Variants in GPC6 observed in about 807,000 individuals in gnomAD.
The protein encoded by GPC6 is glypican 6.
A neutral mutation model predicts 55.2 loss-of-function variants in GPC6; 14 were observed. The ratio of observed to expected loss-of-function variants is 0.25; its 90% CI spans 0.17 to 0.40. The LOEUF is 0.40. Among genes scored for constraint, GPC6 ranks in the 10% least tolerant of loss-of-function variants. GPC6 has a pLI of 1.00. For synonymous variants in GPC6, 278 were observed against 259.6 expected (o/e 1.07, Z -0.68); for missense variants, 641 against 708.5 (o/e 0.90, Z 1.08).
intron 2 of GPC6, among the ~76,000 whole-genome samples, chr13:93,746,360 G>T (rs1017842538): frequency 6.6e-6 from 1 of 152,148 alleles, no homozygotes; most frequent in Non-Finnish European, 1.5e-5. Context: ...TTATGTCGGA[G>T]CATACATACA....
At chr13:93,377,256 C>A (rs567472368) in intron 1 of GPC6, among the ~76,000 whole-genome samples, 27 of 152,218 alleles carry the variant, frequency 1.8e-4, no homozygotes, top group Admixed American at 1.0e-3. Flanking sequence ...GTCCTAAGAC[C>A]ACATCCGTAT....
chr13:93,616,704 C>T (rs1278834766), intron 2 of GPC6, among the ~76,000 whole-genome samples: 3 of 151,974 alleles, frequency 2.0e-5, no homozygotes, highest in Non-Finnish European at 4.4e-5. Context: ...GCAAGTGTTG[C>T]CTTAAAATAA....
chr13:94,027,292 T>A (rs559608408), intron 3 of GPC6, among the ~76,000 whole-genome samples: 95 of 152,302 alleles, frequency 6.2e-4, no homozygotes, highest in African/African-American at 2.3e-3. Context: ...CAAGTTGATA[T>A]TGATCTTTGA....
In GPC6 at chr13:93,231,347, A is replaced by G. The variant is rs866401660; in HGVS notation, c.160+3731A>G. Among the ~76,000 whole-genome samples, 191 of 29,536 alleles carry G rather than the reference A, an allele frequency of 6.5e-3. 3 individuals carry two copies. The highest frequency in any genetic ancestry group is 0.034 in the East Asian group (30 of 880). 19.4% of individuals were successfully genotyped at this position (29,536 alleles called of 152,430 possible). ...TATATATACGTATATATATATATACATATATATATATACGTATATATATAT... is the reference window on the plus strand; with the variant it reads ...TATATATACGTATATATATATATACGTATATATATATACGTATATATATAT... On this transcript the variant is annotated intron_variant, in intron 1 of 8. Transcript: ENST00000377047.
chr13:93,685,665 A>C (rs1882022953), intron 2 of GPC6, among the ~76,000 whole-genome samples: 1 of 152,114 alleles, frequency 6.6e-6, no homozygotes, highest in African/African-American at 2.4e-5. Flanking sequence ...GGTGCTGATG[A>C]GCCTGGAGTC....
intron 6 of GPC6, among the ~76,000 whole-genome samples, chr13:94,339,840 C>G (rs548557763): frequency 7.1e-6 from 1 of 140,310 alleles, no homozygotes; most frequent in South Asian, 2.3e-4. Context: ...CTGGGCTTGC[C>G]TCAACCTCCA....
chr13:93,869,775 A>G (rs1889072729), intron 3 of GPC6, among the ~76,000 whole-genome samples: 1 of 151,858 alleles, frequency 6.6e-6, no homozygotes. Context: ...CTAGGGCTGC[A>G]TTCTCTCTAA....
chr13:93,494,822 T>A (rs1880190822), intron 1 of GPC6, among the ~76,000 whole-genome samples: 1 of 149,172 alleles, frequency 6.7e-6, no homozygotes, highest in South Asian at 2.2e-4. Flanking sequence ...GGTTGAAAAT[T>A]CTTTTCTTTA....
intron 1 of GPC6, among the ~76,000 whole-genome samples, chr13:93,516,240 C>G (rs1436306920): frequency 6.6e-6 from 1 of 152,170 alleles, no homozygotes; most frequent in Non-Finnish European, 1.5e-5. Flanking sequence ...TATCAACTCT[C>G]TCCAGATGTG....
chr13:94,163,171 G>A (rs1888227854), intron 4 of GPC6, among the ~76,000 whole-genome samples: 3 of 152,002 alleles, frequency 2.0e-5, no homozygotes, highest in Admixed American at 2.0e-4. Context: ...TTTCTTTTGT[G>A]CTAACCACTT....
At chr13:93,692,169 C>T (rs762412692) in intron 2 of GPC6, among the ~76,000 whole-genome samples, 12 of 151,996 alleles carry the variant, frequency 7.9e-5, no homozygotes, top group Non-Finnish European at 1.6e-4. Flanking sequence ...CACTGTGTTG[C>T]CTTTTGCCCA....
intron 4 of GPC6, among the ~76,000 whole-genome samples, chr13:94,082,719 T>C (rs1372455293): frequency 6.6e-6 from 1 of 152,198 alleles, no homozygotes. Context: ...TCCTAGCATC[T>C]TCCATTTTCC....
At chr13:94,253,075 T>C (rs1015778176) in intron 4 of GPC6, among the ~76,000 whole-genome samples, 20 of 152,216 alleles carry the variant, frequency 1.3e-4, no homozygotes, top group African/African-American at 4.8e-4. Flanking sequence ...CTGCAAATGC[T>C]GGAAAAACTC....
chr13:94,371,961 C>A (rs529867078), intron 6 of GPC6, among the ~76,000 whole-genome samples: 2 of 152,124 alleles, frequency 1.3e-5, no homozygotes, highest in Non-Finnish European at 2.9e-5. Flanking sequence ...ACTATTTATT[C>A]AACATTCAAA....
chr13:93,838,238 G>C lies in GPC6; in HGVS notation c.711+7693G>C, dbSNP rs185984256. Among the ~76,000 whole-genome samples, 60 of 152,300 alleles carry C rather than the reference G, an allele frequency of 3.9e-4. No homozygotes were observed. In the East Asian group the frequency reaches 7.4e-3, roughly 19 times the overall value. On this transcript the variant is annotated intron_variant, in intron 3 of 8. Coordinates refer to ENST00000377047, the MANE Select transcript of GPC6 (RefSeq NM_005708.5). The stretch of plus-strand genomic sequence containing the variant: ...AAGAGAGACATTATGAAAAGTCCAA[G>C]TGTAGTGTAATTAATCAGGGTGACA...
At chr13:94,175,722 T>G (rs545836644) in intron 4 of GPC6, among the ~76,000 whole-genome samples, 1 of 151,524 alleles carries the variant, frequency 6.6e-6, no homozygotes, top group Non-Finnish European at 1.5e-5. Flanking sequence ...GGATTCTCTG[T>G]ATGGTTTTAA....
chr13:94,278,647 G>C (rs535548007), intron 4 of GPC6, among the ~76,000 whole-genome samples: 7 of 152,244 alleles, frequency 4.6e-5, no homozygotes, highest in Admixed American at 1.3e-4. Context: ...TAACATGAAG[G>C]GATGTTGAAT....
chr13:93,447,030 C>T (rs776272794), intron 1 of GPC6, among the ~76,000 whole-genome samples: 26 of 152,088 alleles, frequency 1.7e-4, no homozygotes, highest in Non-Finnish European at 3.5e-4. Flanking sequence ...ACCTGCCTTA[C>T]ATCACAGAGT....
At chr13:93,358,331 C>A (rs1041838239) in intron 1 of GPC6, among the ~76,000 whole-genome samples, 1 of 152,080 alleles carries the variant, frequency 6.6e-6, no homozygotes, top group African/African-American at 2.4e-5. Flanking sequence ...CAGAGTAAGA[C>A]CTTGTCTCAA....
Sources: allele counts gnomAD v4.1 joint callset (sites outside exome capture counted in the v4.1 genomes callset), GRCh38; gene constraint gnomAD v4.1.1; transcripts MANE v1.5; gene names NCBI Gene and HGNC (gene_info 2026-07-23, HGNC 2026-07-21).